Variants in TXNRD1 observed in about 807,000 individuals in gnomAD.
TXNRD1 encodes the protein thioredoxin reductase 1.
A neutral mutation model predicts 80.3 loss-of-function variants in TXNRD1; 57 were observed. The ratio of observed to expected loss-of-function variants is 0.71; its 90% CI spans 0.57 to 0.89. TXNRD1 has a LOEUF of 0.89. Ranked by LOEUF, TXNRD1 falls within the 40% of genes least tolerant of loss-of-function variation. The probability of loss-of-function intolerance (pLI) is 0.00; values close to 1 mark genes in which losing one functional copy is unlikely to be tolerated. For synonymous variants in TXNRD1, 291 were observed against 285.2 expected (o/e 1.02, Z -0.20); for missense variants, 730 against 803.0 (o/e 0.91, Z 1.10).
At chr12:104,263,455 G>T (rs1260329340) in intron 3 of TXNRD1, among the ~76,000 whole-genome samples, 1 of 151,946 alleles carries the variant, frequency 6.6e-6, no homozygotes, top group African/African-American at 2.4e-5. Flanking sequence ...CACACATGTG[G>T]TGGTGTGTTT....
At chr12:104,221,358 C>A (rs1267614088) in intron 1 of TXNRD1, among the ~76,000 whole-genome samples, 1 of 152,032 alleles carries the variant, frequency 6.6e-6, no homozygotes, top group Non-Finnish European at 1.5e-5. Flanking sequence ...ACTCTTGTTG[C>A]CCAGGCTGGA....
intron 13 of TXNRD1, among the ~76,000 whole-genome samples, chr12:104,330,933 C>T (rs2035926753): frequency 6.6e-6 from 1 of 152,050 alleles, no homozygotes; most frequent in Non-Finnish European, 1.5e-5. Context: ...CTATTGAGTA[C>T]TACAGCAATG....
At chr12:104,277,752 C>T (rs1040829496) in intron 3 of TXNRD1, among the ~76,000 whole-genome samples, 2 of 151,796 alleles carry the variant, frequency 1.3e-5, no homozygotes, top group African/African-American at 2.4e-5. Flanking sequence ...TTGTTTTTAC[C>T]GGTTTTTAGC....
intron 14 of TXNRD1, 64 bp downstream of exon 14, chr12:104,331,705 T>A: frequency 9.3e-7 from 1 of 1,070,018 alleles, no homozygotes; most frequent in Non-Finnish European, 1.4e-6. Context: ...GAATTTAAAA[T>A]ATATAGAAGA....
chr12:104,287,581 C>A, intron 3 of TXNRD1: 1 of 1,460,920 alleles, frequency 6.8e-7, no homozygotes, highest in Non-Finnish European at 9.2e-7. Flanking sequence ...CTCAGAAATC[C>A]TGAGACGTTG....
At chr12:104,264,711 G>A (rs530441170) in intron 3 of TXNRD1, among the ~76,000 whole-genome samples, 1 of 152,022 alleles carries the variant, frequency 6.6e-6, no homozygotes, top group East Asian at 1.9e-4. Context: ...TATTTACTTA[G>A]CCATTCTACT....
chr12:104,245,517 C>CAAAAAAAAAAAAAAA lies in TXNRD1; in HGVS notation c.92-5999_92-5985dup, dbSNP rs10622971. ...GGGCAACAAGAGCGAAACTCCATCT[C>CAAAAAAAAAAAAAAA]AAAAAAAAAAAAAAAAAAAAAAAAA... On this transcript the variant is annotated intron_variant, in intron 1 of 16. Coordinates refer to ENST00000525566, the MANE Select transcript of TXNRD1 (RefSeq NM_001093771.3). Among the ~76,000 whole-genome samples, 5 of 29,260 alleles carry CAAAAAAAAAAAAAAA rather than the reference C, an allele frequency of 1.7e-4. 1 individual carries two copies. Among genetic ancestry groups the CAAAAAAAAAAAAAAA allele is most frequent in the African/African-American group, 4.0e-4 (4 of 10,094 alleles). 19.2% of individuals were successfully genotyped at this position (29,260 alleles called of 152,430 possible).
chr12:104,316,499 C>T (rs1451510926), intron 7 of TXNRD1, among the ~76,000 whole-genome samples: 1 of 152,228 alleles, frequency 6.6e-6, no homozygotes, highest in East Asian at 1.9e-4. Context: ...ACACCATTCT[C>T]CTGCCTCAGC....
chr12:104,249,082 A>T (rs1039816253), intron 1 of TXNRD1, among the ~76,000 whole-genome samples: 1 of 152,256 alleles, frequency 6.6e-6, no homozygotes, highest in Non-Finnish European at 1.5e-5. Flanking sequence ...ACAAAATAAC[A>T]TAAACTAGGA....
At chr12:104,250,406 T>G (rs1039205752) in intron 1 of TXNRD1, among the ~76,000 whole-genome samples, 7 of 152,230 alleles carry the variant, frequency 4.6e-5, no homozygotes, top group African/African-American at 1.7e-4. Flanking sequence ...TTTGACTTGA[T>G]CAAAATTTAA....
chr12:104,241,281 C>T (rs897429626), intron 1 of TXNRD1, among the ~76,000 whole-genome samples: 8 of 152,044 alleles, frequency 5.3e-5, no homozygotes, highest in African/African-American at 1.9e-4. Flanking sequence ...CCTGGTGATC[C>T]GCCCGCCTCA....
rs532269747 is a variant in TXNRD1, at chr12:104,291,005, C to G, written c.414+1965C>G. On this transcript the variant is annotated intron_variant, in intron 4 of 16. Transcript: ENST00000525566. Reference sequence around the variant, plus strand: ...TTTTTTTCTTTAGAGATGGAGGTCTCATTATGTTGTCCAGGCTGGTCTTGA... The same window carrying G: ...TTTTTTTCTTTAGAGATGGAGGTCTGATTATGTTGTCCAGGCTGGTCTTGA... 6.0e-6 allele frequency: 4 copies of G among 667,614 alleles called. No homozygotes were observed. The African/African-American group carries it at 7.4e-5, about 12-fold the overall frequency. 41.4% of individuals were successfully genotyped at this position (667,614 alleles called of 1,614,324 possible).
intron 7 of TXNRD1, among the ~76,000 whole-genome samples, chr12:104,318,558 C>T (rs779110619): frequency 6.6e-5 from 10 of 152,202 alleles, no homozygotes; most frequent in Admixed American, 1.3e-4. Context: ...ACTCCATACT[C>T]GGCTACATCA....
At chr12:104,253,529 G>T (rs1168817129) in intron 2 of TXNRD1, among the ~76,000 whole-genome samples, 1 of 152,114 alleles carries the variant, frequency 6.6e-6, no homozygotes, top group Non-Finnish European at 1.5e-5. Flanking sequence ...AGAGGGCTGG[G>T]CATTAGAAAT....
intron 1 of TXNRD1, among the ~76,000 whole-genome samples, chr12:104,231,972 C>G (rs2032634295): frequency 6.6e-6 from 1 of 152,226 alleles, no homozygotes; most frequent in South Asian, 2.1e-4. Flanking sequence ...AACAATTTCT[C>G]TCTCCAGTCC....
rs577213405 is a variant in TXNRD1, at chr12:104,268,481, C to T, written c.304+10402C>T. Among the ~76,000 whole-genome samples the T allele has an allele frequency of 5.3e-5, 8 of 151,854 alleles. No homozygotes were observed. In the South Asian group the frequency reaches 6.2e-4, roughly 12 times the overall value. On this transcript the variant is annotated intron_variant, in intron 3 of 16. Coordinates refer to ENST00000525566, the MANE Select transcript of TXNRD1 (RefSeq NM_001093771.3). ...CTGAGCTTGCAGAGAGCTGAGATCG[C>T]GCCACTGCACTCTAGCCTGGGTGAC...
At chr12:104,313,376 A>G in intron 6 of TXNRD1, 59 bp downstream of exon 6, 1 of 1,266,608 alleles carries the variant, frequency 7.9e-7, no homozygotes, top group Non-Finnish European at 1.1e-6. Flanking sequence ...CCTGGCAATA[A>G]TCTAACTGGT....
chr12:104,265,705 G>A (rs2033469215), intron 3 of TXNRD1: 9 of 1,602,936 alleles, frequency 5.6e-6, no homozygotes, highest in Non-Finnish European at 7.6e-6. Flanking sequence ...GGAGGAGATC[G>A]CGGCCAGCAA....
intron 3 of TXNRD1, among the ~76,000 whole-genome samples, chr12:104,271,428 T>C (rs1298469585): frequency 3.9e-5 from 6 of 152,026 alleles, no homozygotes; most frequent in Non-Finnish European, 7.4e-5. Context: ...CTGCCCGCCT[T>C]AGCCTCCCAA....
Sources: gnomAD v4.1 joint callset for allele counts (sites outside exome capture counted in the v4.1 genomes callset) on GRCh38, gnomAD v4.1.1 for gene constraint, MANE v1.5 for transcripts, NCBI Gene and HGNC (gene_info 2026-07-23, HGNC 2026-07-21) for gene names.